CCNK: variants seen among roughly 807,000 people sequenced by gnomAD.
CCNK encodes the protein cyclin K.
CCNK carries 9 observed loss-of-function variants against 65.0 expected under a neutral mutation model. The observed-to-expected ratio is 0.14, with a 90% CI of 0.08 to 0.24. The LOEUF is 0.24. Ranked by LOEUF, CCNK falls within the 10% of genes least tolerant of loss-of-function variation. CCNK has a pLI of 1.00. For synonymous variants in CCNK, 279 were observed against 270.8 expected, an observed-to-expected ratio of 1.03 and a Z score of -0.30; for missense variants, 474 against 720.0, an observed-to-expected ratio of 0.66 and a Z score of 3.91.
intron 9 of CCNK, chr14:99,506,827 C>T (rs1896987612): frequency 2.1e-6 from 1 of 471,082 alleles, no homozygotes; most frequent in Non-Finnish European, 3.9e-6. Context: ...AGCAAGGAAA[C>T]TTAGGTAGAC....
rs115959501 is a variant in CCNK at position 99,485,358 on chromosome 14, A to G, written c.-53+3879A>G. ...CTTTCCCCTCAACAGATATCTTGGC[A>G]TTATACTTCCTAGAGAATATGGAGG... On this transcript the variant is annotated intron_variant, in intron 1 of 10. Coordinates refer to ENST00000389879, the MANE Select transcript of CCNK (RefSeq NM_001099402.2). Among the ~76,000 whole-genome samples, 854 of 152,264 alleles carry G rather than the reference A, an allele frequency of 5.6e-3. 9 individuals carry two copies. The highest frequency in any genetic ancestry group is 0.019 in the African/African-American group (799 of 41,538).
intron 1 of CCNK, among the ~76,000 whole-genome samples, chr14:99,487,517 A>G (rs751240000): frequency 3.3e-5 from 5 of 152,246 alleles, no homozygotes; most frequent in Non-Finnish European, 7.3e-5. Flanking sequence ...GCTCTGCGGC[A>G]GTGAGAATGA....
At chr14:99,497,770 AT>A (rs1342167828) in intron 4 of CCNK, among the ~76,000 whole-genome samples, 1 of 152,200 alleles carries the variant, frequency 6.6e-6, no homozygotes, top group African/African-American at 2.4e-5. Flanking sequence ...TTTTATACAT[AT>A]TGTGGTTGTG....
chr14:99,492,839 T>C lies in CCNK; in HGVS notation c.162T>C (p.Ala54=). The change falls in exon 2 of 11, where the codon GCT becomes GCC. Residue 54 remains alanine (A), a synonymous_variant. Transcript: ENST00000389879. ...AGGCCCGGTACCGCCGAGAGGGCGC[T>C]CGGTTCATCTTTGATGTGGGCACAC... ...ATEARYRREG[A]RFIFDVGTRL... The C allele has an allele frequency of 6.2e-7, 1 of 1,607,512 alleles. No individual in the cohort carries two copies. Among genetic ancestry groups the C allele is most frequent in the Non-Finnish European group, 8.5e-7 (1 of 1,178,282 alleles).
At chr14:99,498,599 G>A (rs1896751756) in intron 4 of CCNK, among the ~76,000 whole-genome samples, 1 of 152,182 alleles carries the variant, frequency 6.6e-6, no homozygotes. Context: ...CAGCCTTTGT[G>A]TTGGGCACTA....
rs1896856529 is a variant in CCNK, at chr14:99,502,451, A to G, written c.745+75A>G. The G allele has an allele frequency of 4.6e-6, 7 of 1,535,908 alleles. No individual in the cohort carries two copies. The African/African-American group carries it at 5.5e-5, about 12-fold the overall frequency. On this transcript the variant is annotated intron_variant, in intron 7 of 10. Coordinates refer to ENST00000389879, the MANE Select transcript of CCNK (RefSeq NM_001099402.2). ...TTCTTCCATGTGTACCCTGAGTCCCAAGAATGGATTTTCCCAGATAGACAT... is the reference window on the plus strand; with the variant it reads ...TTCTTCCATGTGTACCCTGAGTCCCGAGAATGGATTTTCCCAGATAGACAT...
rs1160779159 is a variant in CCNK at position 99,510,877 on chromosome 14, A to G, written c.*95A>G. 9.3e-7 allele frequency: 1 copy of G among 1,077,416 alleles called. No homozygotes were observed. The highest frequency in any genetic ancestry group is 1.2e-6 in the Non-Finnish European group (1 of 818,834). The allele number at this position is 1,077,416 out of a possible 1,614,324, so 66.7% of individuals were successfully genotyped here. On this transcript the variant is annotated 3_prime_UTR_variant, in exon 11 of 11. Coordinates refer to ENST00000389879, the MANE Select transcript of CCNK (RefSeq NM_001099402.2). ...GGTAAGCAGCAGGGTACCTTGTATA[A>G]TGCACGACAGTTGCAGTATGGGAAG...
chr14:99,501,932 A>G (rs1180867738), intron 6 of CCNK: 1 of 295,078 alleles, frequency 3.4e-6, no homozygotes, highest in Non-Finnish European at 6.2e-6. Flanking sequence ...TCAACAGTTT[A>G]AATAACATAA....
chr14:99,484,154 G>T (rs949258389), intron 1 of CCNK, among the ~76,000 whole-genome samples: 2 of 152,244 alleles, frequency 1.3e-5, no homozygotes, highest in Admixed American at 6.5e-5. Flanking sequence ...AAGAAAAGCA[G>T]TGTCTAGATT....
intron 9 of CCNK, chr14:99,504,616 A>G (rs910202049): frequency 6.6e-6 from 1 of 151,844 alleles, no homozygotes; most frequent in Admixed American, 6.6e-5. Context: ...AGGCCTGGCT[A>G]ATTTTGTATT....
At chr14:99,501,216 TTCA>T in intron 5 of CCNK, 137 bp from the exon 6 acceptor site, 1 of 656,788 alleles carries the variant, frequency 1.5e-6, no homozygotes, top group South Asian at 1.8e-5. Context: ...ACCCACATCA[TTCA>T]TCCTTGTTTC....
At chr14:99,494,569 C>G (rs1379774596) in intron 3 of CCNK, 1 of 151,996 alleles carries the variant, frequency 6.6e-6, no homozygotes, top group African/African-American at 2.4e-5. Flanking sequence ...TGTCTGACAT[C>G]TAGTGTGATC....
chr14:99,498,602 G>A (rs1896751904), intron 4 of CCNK, among the ~76,000 whole-genome samples: 1 of 152,052 alleles, frequency 6.6e-6, no homozygotes, highest in Admixed American at 6.6e-5. Context: ...CCTTTGTGTT[G>A]GGCACTAGAC....
At chr14:99,482,856 T>G (rs2139843614) in intron 1 of CCNK, among the ~76,000 whole-genome samples, 1 of 122,484 alleles carries the variant, frequency 8.2e-6, no homozygotes. Flanking sequence ...TTGAAAGCAG[T>G]GACTCTGCTG....
At chr14:99,503,572 G>T in intron 8 of CCNK, 39 bp from the exon 9 acceptor site, 1 of 1,534,356 alleles carries the variant, frequency 6.5e-7, no homozygotes, top group African/African-American at 1.4e-5. Context: ...ATCATACTCA[G>T]GATCCCAGTT....
chr14:99,502,497 G>A, intron 7 of CCNK, 121 bp downstream of exon 7: 1 of 1,413,986 alleles, frequency 7.1e-7, no homozygotes, highest in Admixed American at 2.7e-5. Flanking sequence ...TATTTCAGAA[G>A]CATCATTAAT....
intron 10 of CCNK, chr14:99,509,833 A>G (rs916159009): frequency 7.5e-6 from 3 of 399,146 alleles, no homozygotes; most frequent in Non-Finnish European, 1.3e-5. Context: ...GAGCCCCCAC[A>G]CGTTTTGCAC....
chr14:99,510,910 C>T lies in CCNK; in HGVS notation c.*128C>T, dbSNP rs1017504356. On this transcript the variant is annotated 3_prime_UTR_variant, in exon 11 of 11. Coordinates refer to ENST00000389879, the MANE Select transcript of CCNK (RefSeq NM_001099402.2). ...CAGTTGCAGTATGGGAAGAATGGACCGGGCCCCTGGGATAAAATCAGAGTG... is the reference window on the plus strand; with the variant it reads ...CAGTTGCAGTATGGGAAGAATGGACTGGGCCCCTGGGATAAAATCAGAGTG... 23 of 827,340 alleles carry T rather than the reference C, an allele frequency of 2.8e-5. No homozygotes were observed. The highest frequency in any genetic ancestry group is 2.7e-4 in the African/African-American group (15 of 56,094). 51.2% of individuals were successfully genotyped at this position (827,340 alleles called of 1,614,324 possible). A position where few individuals can be genotyped will look rare whatever the true frequency, so the allele number is the denominator to read the frequency against.
chr14:99,483,767 G>A (rs1896414817), intron 1 of CCNK, among the ~76,000 whole-genome samples: 1 of 152,254 alleles, frequency 6.6e-6, no homozygotes, highest in African/African-American at 2.4e-5. Flanking sequence ...AACCCGAAAT[G>A]TTGATTAATG....
Sources: allele counts gnomAD v4.1 joint callset (sites outside exome capture counted in the v4.1 genomes callset), GRCh38; gene constraint gnomAD v4.1.1; transcripts MANE v1.5; gene names NCBI Gene and HGNC (gene_info 2026-07-23, HGNC 2026-07-21).